The following DCC variants were observed in gnomAD, a reference collection of about 807,000 sequenced individuals.
DCC encodes netrin receptor DCC.
A neutral mutation model predicts 172.5 loss-of-function variants in DCC; 58 were observed. The ratio of observed to expected loss-of-function variants is 0.34; its 90% confidence interval spans 0.27 to 0.42. DCC has a LOEUF of 0.42. Ranked by LOEUF, DCC falls within the 10% of genes least tolerant of loss-of-function variation. The probability of loss-of-function intolerance (pLI) is 1.00; values close to 1 mark genes in which losing one functional copy is unlikely to be tolerated. For missense variants in DCC, 1,740 were observed against 1,791.0 expected (o/e 0.97, Z 0.51); for synonymous variants, 709 against 644.5 (o/e 1.10, Z -1.52).
At chr18:52,529,243 A>G (rs1389796728) in intron 1 of DCC, among the ~76,000 whole-genome samples, 1 of 152,184 alleles carries the variant, frequency 6.6e-6, no homozygotes, top group African/African-American at 2.4e-5. Flanking sequence ...GAGCAATCCC[A>G]TTCCTATTGC....
chr18:53,307,453 T>C (rs2057213364), intron 13 of DCC, among the ~76,000 whole-genome samples: 1 of 152,114 alleles, frequency 6.6e-6, no homozygotes, highest in African/African-American at 2.4e-5. Flanking sequence ...TAGTATGGAT[T>C]CTAAGATTTA....
chr18:52,557,519 A>G (rs918741536), intron 1 of DCC, among the ~76,000 whole-genome samples: 3 of 152,320 alleles, frequency 2.0e-5, no homozygotes, highest in Non-Finnish European at 2.9e-5. Flanking sequence ...ATGATGAGTT[A>G]TTTTAAATAA....
intron 26 of DCC, among the ~76,000 whole-genome samples, chr18:53,492,381 G>T (rs956447430): frequency 6.6e-6 from 1 of 151,946 alleles, no homozygotes; most frequent in Non-Finnish European, 1.5e-5. Flanking sequence ...GTCTTTTCCC[G>T]TGCTTATGTC....
Position 52,767,334 on chromosome 18 carries a change from A to G in DCC, c.412+14960A>G, listed in dbSNP as rs532934378. 2.0e-5 allele frequency among the ~76,000 whole-genome samples: 3 copies of G among 152,244 alleles called. No individual in the cohort carries two copies. In the East Asian group the frequency reaches 5.8e-4, roughly 29 times the overall value. ...AGAAGTAAAGTTTGTCATGGCTTTG[A>G]AGAACTTTCTATGGGTCAGCAAACC... On this transcript the variant is annotated intron_variant, in intron 2 of 28. Transcript: ENST00000442544.
At chr18:53,099,133 A>G (rs1024360922) in intron 7 of DCC, among the ~76,000 whole-genome samples, 5 of 152,106 alleles carry the variant, frequency 3.3e-5, no homozygotes, top group Admixed American at 3.3e-4. Flanking sequence ...TTTCTTGCCT[A>G]AATCAGTTAT....
At chr18:52,470,453 A>C (rs1249499952) in intron 1 of DCC, among the ~76,000 whole-genome samples, 1 of 152,182 alleles carries the variant, frequency 6.6e-6, no homozygotes, top group Non-Finnish European at 1.5e-5. Context: ...TGTGACTTTC[A>C]GATCTCTTGT....
chr18:52,534,879 T>C (rs1352001686), intron 1 of DCC, among the ~76,000 whole-genome samples: 1 of 152,184 alleles, frequency 6.6e-6, no homozygotes, highest in Non-Finnish European at 1.5e-5. Context: ...ATAGCCAACC[T>C]ACCTGGCATA....
intron 1 of DCC, among the ~76,000 whole-genome samples, chr18:52,498,236 T>C (rs1184119758): frequency 6.6e-6 from 1 of 152,194 alleles, no homozygotes; most frequent in Non-Finnish European, 1.5e-5. Flanking sequence ...GATTCTATCA[T>C]TTTCTTGACC....
intron 1 of DCC, among the ~76,000 whole-genome samples, chr18:52,628,716 G>T (rs2034618564): frequency 6.6e-6 from 1 of 152,224 alleles, no homozygotes; most frequent in Non-Finnish European, 1.5e-5. Context: ...TTTGCAGGTA[G>T]CAGCATGAGT....
chr18:53,318,152 C>T (rs2057364668), intron 13 of DCC, among the ~76,000 whole-genome samples: 1 of 152,128 alleles, frequency 6.6e-6, no homozygotes, highest in Admixed American at 6.6e-5. Context: ...ACTGCTTTAG[C>T]TGGGTCCCAG....
chr18:53,095,984 G>C (rs35946824), intron 7 of DCC, among the ~76,000 whole-genome samples: 39,057 of 151,572 alleles, frequency 0.26, 6,142 homozygotes, highest in African/African-American at 0.44. Context: ...GTGGCTGAAG[G>C]CTGTAATCCC....
At chr18:52,497,146 A>G (rs74495486) in intron 1 of DCC, among the ~76,000 whole-genome samples, 17,781 of 150,488 alleles carry the variant, frequency 0.12, 1,112 homozygotes, top group South Asian at 0.18. Flanking sequence ...CTGTAGTCCC[A>G]CATATTCAGG....
At chr18:52,560,412 T>A (rs117247080) in intron 1 of DCC, among the ~76,000 whole-genome samples, 6,067 of 152,332 alleles carry the variant, frequency 0.04, 159 homozygotes, top group Non-Finnish European at 0.054. Flanking sequence ...CAGAAAGAGC[T>A]AGACTTGCCC....
At chr18:53,076,800 A>G (rs542771395) in intron 7 of DCC, among the ~76,000 whole-genome samples, 3 of 152,156 alleles carry the variant, frequency 2.0e-5, no homozygotes, top group African/African-American at 7.2e-5. Context: ...TTCTTAAGGA[A>G]TAGTGATTTG....
At chr18:53,431,674 G>A (rs572460869) in intron 21 of DCC, among the ~76,000 whole-genome samples, 3 of 152,084 alleles carry the variant, frequency 2.0e-5, no homozygotes, top group African/African-American at 4.8e-5. Context: ...TAGTAGAGAC[G>A]AGGTTTTGCC....
intron 2 of DCC, among the ~76,000 whole-genome samples, chr18:52,883,522 T>TTA (rs2039524066): frequency 6.6e-6 from 1 of 151,948 alleles, no homozygotes. Context: ...AAAGACTATC[T>TTA]TATAACTCAC....
chr18:53,329,492 G>T (rs1360780202), intron 14 of DCC, among the ~76,000 whole-genome samples: 1 of 151,876 alleles, frequency 6.6e-6, no homozygotes, highest in Non-Finnish European at 1.5e-5. Flanking sequence ...ACATTGAAAA[G>T]AAAGGCATTT....
intron 1 of DCC, among the ~76,000 whole-genome samples, chr18:52,544,913 A>C (rs1377909663): frequency 6.6e-6 from 1 of 152,200 alleles, no homozygotes; most frequent in Non-Finnish European, 1.5e-5. Context: ...TGAAGGTTAG[A>C]TTATTGAGAG....
chr18:52,662,435 T>A (rs2035376659), intron 1 of DCC, among the ~76,000 whole-genome samples: 1 of 145,980 alleles, frequency 6.9e-6, no homozygotes, highest in Non-Finnish European at 1.5e-5. Flanking sequence ...AGATTCATCC[T>A]AAGGGACATG....
Sources: gnomAD v4.1 joint callset for allele counts (sites outside exome capture counted in the v4.1 genomes callset) on GRCh38, gnomAD v4.1.1 for gene constraint, MANE v1.5 for transcripts, NCBI Gene and HGNC (gene_info 2026-07-23, HGNC 2026-07-21) for gene names.